The following SIN3B variants were observed in gnomAD, a reference collection of about 807,000 sequenced individuals.
The protein encoded by SIN3B is SIN3 transcription regulator family member B.
A neutral mutation model predicts 120.2 loss-of-function variants in SIN3B; 19 were observed. The observed-to-expected ratio is 0.16, with a 90% CI of 0.11 to 0.23. The LOEUF (loss-of-function observed/expected upper bound fraction) is 0.23, where lower values mean the gene tolerates loss of function less well. Among genes scored for constraint, SIN3B ranks in the 10% least tolerant of loss-of-function variants. The pLI, the probability that SIN3B is intolerant of heterozygous loss-of-function variation, is 1.00. For synonymous variants in SIN3B, 654 were observed against 653.2 expected (o/e 1.00, Z -0.02); for missense variants, 1,073 against 1,573.0 (o/e 0.68, Z 5.38).
chr19:16,865,537 C>T lies in SIN3B; in HGVS notation c.1511C>T (p.Ser504Leu), dbSNP rs772162952. ...CTGGACGACTCCCTGGGAGGCACGT[C>T]GGAGGTGATCCAGCGCCGTGCCATT... ...FRLDDSLGGTSEVIQRRAIYR... is the reference protein window; with the variant it reads ...FRLDDSLGGTLEVIQRRAIYR... The change falls in exon 11 of 19, where the codon TCG becomes TTG. Residue 504 changes from serine (S) to leucine (L), a missense_variant. Ser to Leu is a moderately radical substitution (Grantham distance 145). This residue lies in a region of SIN3B where 118 missense variants were observed against 281.6 expected (regional missense o/e 0.42). Coordinates refer to ENST00000248054, the MANE Select transcript of SIN3B (RefSeq NM_001297595.2). 1.9e-6 allele frequency: 3 copies of T among 1,613,800 alleles called. No individual in the cohort carries two copies. The highest frequency in any genetic ancestry group is 1.3e-5 in the African/African-American group (1 of 74,988).
intron 8 of SIN3B, among the ~76,000 whole-genome samples, chr19:16,857,472 G>A (rs1344400178): frequency 6.6e-6 from 1 of 151,328 alleles, no homozygotes; most frequent in African/African-American, 2.4e-5. Context: ...ATCAACCCTG[G>A]GGACAGGTGC....
rs2144610364 is a variant in SIN3B at position 16,863,172 on chromosome 19, G to A, written c.1267-508G>A. ...GTTGCTGTCTGACCCTTTGCAGAGA[G>A]AATTTACCAATGTCTGAAATGAAAT... On this transcript the variant is annotated intron_variant, in intron 9 of 18. Transcript: ENST00000248054. 5.4e-6 allele frequency: 3 copies of A among 555,174 alleles called. No homozygotes were observed. In the South Asian group the frequency reaches 7.0e-5, roughly 13 times the overall value. 34.4% of individuals were successfully genotyped at this position (555,174 alleles called of 1,614,324 possible).
Position 16,876,683 on chromosome 19 carries a change from C to A in SIN3B, c.2859+105C>A. The A allele has an allele frequency of 1.2e-6, 1 of 857,076 alleles. No individual in the cohort carries two copies. Among genetic ancestry groups the A allele is most frequent in the Non-Finnish European group, 1.8e-6 (1 of 546,324 alleles). 53.1% of individuals were successfully genotyped at this position (857,076 alleles called of 1,614,324 possible). ...CGCAGGCCGCGCAGCATCCAGAGAC[C>A]CTCCCTCTGCAGGCCACAGGCTCTC... On this transcript the variant is annotated intron_variant, in intron 16 of 18. Transcript: ENST00000248054. The surrounding 1 kb of genome is among the most constrained non-coding windows in gnomAD (Gnocchi z 7.1).
chr19:16,839,675 T>G (rs559795837), intron 3 of SIN3B, among the ~76,000 whole-genome samples: 3 of 152,106 alleles, frequency 2.0e-5, no homozygotes, highest in African/African-American at 7.2e-5. Context: ...CGCAGCCCCC[T>G]GTGAGCCTGA....
At chr19:16,877,907 G>A (rs966479220) in intron 17 of SIN3B, among the ~76,000 whole-genome samples, 7 of 152,194 alleles carry the variant, frequency 4.6e-5, no homozygotes, top group East Asian at 1.9e-4. Flanking sequence ...GGAGGGAGAC[G>A]CTGCCAGAGC....
intron 8 of SIN3B, among the ~76,000 whole-genome samples, chr19:16,857,867 CTT>C (rs1971637794): frequency 6.9e-6 from 1 of 145,928 alleles, no homozygotes; most frequent in African/African-American, 2.5e-5. Context: ...TTTCTCTTCT[CTT>C]TTCTTTTCTT....
chr19:16,830,199 AGTTTT>A (rs1366415541), intron 2 of SIN3B, among the ~76,000 whole-genome samples: 2 of 152,200 alleles, frequency 1.3e-5, no homozygotes, highest in Admixed American at 1.3e-4. Flanking sequence ...TTTTTATATT[AGTTTT>A]GTTCATGAAA....
chr19:16,877,247 G>C (rs746696258), intron 16 of SIN3B: 6 of 421,384 alleles, frequency 1.4e-5, no homozygotes, highest in Non-Finnish European at 2.6e-5. Flanking sequence ...TGGGCCGGGC[G>C]GTGCTCCTGC....
At chr19:16,844,727 T>TA (rs1166355017) in intron 4 of SIN3B, among the ~76,000 whole-genome samples, 2 of 152,240 alleles carry the variant, frequency 1.3e-5, no homozygotes, top group Non-Finnish European at 2.9e-5. Context: ...GCAGCGCCGT[T>TA]ACGCGCATAT....
intron 8 of SIN3B, chr19:16,855,201 G>C (rs1398284768): frequency 6.6e-6 from 1 of 152,142 alleles, no homozygotes; most frequent in Non-Finnish European, 1.5e-5. Context: ...CCACAGTGAA[G>C]ATACTGAACG....
chr19:16,868,615 G>C (rs978540352), intron 12 of SIN3B, among the ~76,000 whole-genome samples: 1 of 152,218 alleles, frequency 6.6e-6, no homozygotes, highest in Non-Finnish European at 1.5e-5. Flanking sequence ...CATGTGCAAA[G>C]GCCCTGCACA....
In SIN3B at chr19:16,853,009, G is replaced by A. The variant is rs772780737; in HGVS notation, c.850-60G>A. On this transcript the variant is annotated intron_variant, in intron 6 of 18. Transcript: ENST00000248054. ...AGCCTTCTTGAGACTCTGTGACAGC[G>A]ATGGACAGAGGCCACCGGTGGGAGG... The A allele has an allele frequency of 7.4e-5, 101 of 1,373,492 alleles. No individual in the cohort carries two copies. In the South Asian group the frequency reaches 7.5e-4, roughly 10 times the overall value. The allele number at this position is 1,373,492 out of a possible 1,614,324, so 85.1% of individuals were successfully genotyped here.
chr19:16,855,370 T>TACCCCCC (rs1971598418), intron 8 of SIN3B: 1 of 52,944 alleles, frequency 1.9e-5, no homozygotes, highest in Non-Finnish European at 3.6e-5. Flanking sequence ...GGAGAAACCT[T>TACCCCCC]CCCCCCCCCC....
Position 16,876,155 on chromosome 19 carries a change from G to A in SIN3B, c.2693G>A (p.Cys898Tyr). The A allele has an allele frequency of 6.2e-7, 1 of 1,612,808 alleles. No homozygotes were observed. The highest frequency in any genetic ancestry group is 8.5e-7 in the Non-Finnish European group (1 of 1,179,856). The change falls in exon 15 of 19, where the codon TGC becomes TAC. Residue 898 changes from cysteine (C) to tyrosine (Y), a missense_variant. Transcript: ENST00000248054. This position sits in a 1 kb window ranked among gnomAD's most constrained non-coding sequence, Gnocchi z 7.1. ...GAAGGNLSSR[C>Y]VRAARETSYQ... ...GCTGGTGGGAACCTGTCCTCCCGCT[G>A]CGTCCGCGCTGCTAGGGAGACCAGC...
rs554955222 is a variant in SIN3B at position 16,870,544 on chromosome 19, C to T, written c.2422+469C>T. Among the ~76,000 whole-genome samples, 61 of 152,228 alleles carry T rather than the reference C, an allele frequency of 4.0e-4. 1 individual carries two copies. The East Asian group carries it at 0.011, about 28-fold the overall frequency. ...GGATTACAGGCGCTCACCACCATGC[C>T]TGGCTCATTTTTTGTATTTCTTTTT... On this transcript the variant is annotated intron_variant, in intron 13 of 18. Transcript: ENST00000248054.
rs755225479 is a variant in SIN3B, at chr19:16,862,988, A to G, written c.1266+429A>G. 57 of 1,604,734 alleles carry G rather than the reference A, an allele frequency of 3.6e-5. No individual in the cohort carries two copies. The highest frequency in any genetic ancestry group is 4.9e-5 in the Non-Finnish European group (57 of 1,171,734). The stretch of plus-strand genomic sequence containing the variant: ...CAGGATATAGTGCAGGGGTCAGCAA[A>G]CTCTGGCCCACGGGCCCTGGCCCGC... On this transcript the variant is annotated intron_variant, in intron 9 of 18. Transcript: ENST00000248054. This position sits in a 1 kb window ranked among gnomAD's most constrained non-coding sequence, Gnocchi z 4.7.
Position 16,866,392 on chromosome 19 carries a change from G to A in SIN3B, c.1642G>A (p.Glu548Lys). The A allele has an allele frequency of 6.3e-7, 1 of 1,595,606 alleles. No homozygotes were observed. The highest frequency in any genetic ancestry group is 8.5e-7 in the Non-Finnish European group (1 of 1,171,340). Reference sequence around the variant, plus strand: ...CCGCAGACTGAAGGCCAAGGAAGAGGAGTGGCGGGAGGCCCAGCAGGGCTT... The same window carrying A: ...CCGCAGACTGAAGGCCAAGGAAGAGAAGTGGCGGGAGGCCCAGCAGGGCTT... The part of the protein sequence containing the change: ...VLKRLKAKEE[E>K]WREAQQGFNK... The change falls in exon 12 of 19, where the codon GAG becomes AAG. Residue 548 changes from glutamate (E) to lysine (K), a missense_variant. Glu to Lys is a moderately conservative substitution (Grantham distance 56). This residue lies in a region of SIN3B where 118 missense variants were observed against 281.6 expected (regional missense o/e 0.42). Coordinates refer to ENST00000248054, the MANE Select transcript of SIN3B (RefSeq NM_001297595.2).
At chr19:16,875,813 CTGGTCTGGTCTGTTTGGTT>C (rs1385769709) in intron 14 of SIN3B, 44 of 541,660 alleles carry the variant, frequency 8.1e-5, no homozygotes, top group African/African-American at 7.3e-4. Context: ...TCTGTTTGGT[CTGGTCTGGTCTGTTTGGTT>C]TGGTCTGGTC....
At chr19:16,853,738 C>T (rs144303097) in intron 7 of SIN3B, among the ~76,000 whole-genome samples, 2 of 141,938 alleles carry the variant, frequency 1.4e-5, no homozygotes, top group African/African-American at 2.7e-5. Flanking sequence ...ATCACATGCA[C>T]GAACTGAATT....
Sources: gnomAD v4.1 joint callset for allele counts (sites outside exome capture counted in the v4.1 genomes callset) on GRCh38, gnomAD v4.1.1 for gene constraint, gnomAD v4.1.1 regional missense constraint, Gnocchi (gnomAD v3.1) non-coding constraint, MANE v1.5 for transcripts, NCBI Gene and HGNC (gene_info 2026-07-23, HGNC 2026-07-21) for gene names.